The following HDX variants were observed in gnomAD, a reference collection of about 807,000 sequenced individuals.
HDX encodes chromosome X open reading frame 43.
Under a neutral mutation model 45.2 loss-of-function variants are expected in HDX, and 19 were observed. The observed-to-expected ratio is 0.42, with a 90% CI of 0.29 to 0.62. The LOEUF (loss-of-function observed/expected upper bound fraction) is 0.62, where lower values mean the gene tolerates loss of function less well. Ranked by LOEUF, HDX falls within the 20% of genes least tolerant of loss-of-function variation. HDX has a pLI of 0.20. For synonymous variants in HDX, 188 were observed against 172.8 expected, an observed-to-expected ratio of 1.09 and a Z score of -0.69; for missense variants, 532 against 493.9, an observed-to-expected ratio of 1.08 and a Z score of -0.73.
At chrX:84,406,519 T>TACACACACACAC (rs199742769) in intron 5 of HDX, among the ~76,000 whole-genome samples, 2 of 64,685 alleles carry the variant, frequency 3.1e-5, no homozygotes, top group Admixed American at 2.0e-4. Context: ...CACACACACA[T>TACACACACACAC]ACACACACAC....
chrX:84,442,734 C>G, intron 4 of HDX, among the ~76,000 whole-genome samples: 1 of 110,917 alleles, frequency 9.0e-6, no homozygotes, highest in Non-Finnish European at 1.9e-5. Flanking sequence ...AATATAGATA[C>G]CAAGTGTTTT....
At chrX:84,400,143 G>A (rs754178859) in intron 5 of HDX, among the ~76,000 whole-genome samples, 46 of 109,649 alleles carry the variant, frequency 4.2e-4, no homozygotes, top group Non-Finnish European at 6.3e-4. Context: ...TTTGAAAACC[G>A]GTACAGGACA....
chrX:84,397,962 G>A (rs763137316), intron 5 of HDX, among the ~76,000 whole-genome samples: 40 of 110,780 alleles, frequency 3.6e-4, no homozygotes, highest in African/African-American at 8.2e-4. Context: ...CCATAACAGC[G>A]TGAGAATCCT....
intron 6 of HDX, among the ~76,000 whole-genome samples, chrX:84,354,161 T>C (rs1223509827): frequency 3.6e-5 from 4 of 111,696 alleles, no homozygotes; most frequent in African/African-American, 1.3e-4. Flanking sequence ...TTCTTTACTT[T>C]CCTGAATAAT....
intron 4 of HDX, among the ~76,000 whole-genome samples, chrX:84,459,716 A>G (rs1269290857): frequency 1.8e-5 from 2 of 111,598 alleles, no homozygotes; most frequent in Non-Finnish European, 3.8e-5. Context: ...AGGAAATTGA[A>G]ATAAAAAATA....
rs936787085 is a variant in HDX, at chrX:84,344,416, C to A, written c.1494G>T (p.Gly498=). The A allele has an allele frequency of 3.3e-6, 4 of 1,204,771 alleles. No individual in the cohort carries two copies. Among genetic ancestry groups the A allele is most frequent in the Middle Eastern group, 2.3e-4 (1 of 4,329 alleles). ...GNRRRKYRLM[G]IEVPPPRGGP... ...CTCCTCTTGGAGGTGGAACTTCAAT[C>A]CCCATTAAACGATATTTCCTTCTTC... Residue 498 remains glycine, a synonymous_variant, in exon 7 of 11, where the codon GGG becomes GGT. Transcript: ENST00000373177.
intron 3 of HDX, among the ~76,000 whole-genome samples, chrX:84,470,998 T>G (rs1174591709): frequency 9.0e-6 from 1 of 111,496 alleles, no homozygotes; most frequent in Non-Finnish European, 1.9e-5. Context: ...CCACCAAATA[T>G]TTTCCTAAAA....
At chrX:84,494,845 C>T (rs2040966925) in intron 1 of HDX, among the ~76,000 whole-genome samples, 1 of 111,185 alleles carries the variant, frequency 9.0e-6, no homozygotes, top group African/African-American at 3.3e-5. Context: ...CAATATATAG[C>T]CAAAGGAAAT....
At chrX:84,423,347 C>T (rs937170397) in intron 5 of HDX, among the ~76,000 whole-genome samples, 1 of 110,305 alleles carries the variant, frequency 9.1e-6, no homozygotes, top group Non-Finnish European at 1.9e-5. Flanking sequence ...GGCTTCAACA[C>T]TGAATTGTAA....
intron 4 of HDX, among the ~76,000 whole-genome samples, chrX:84,444,100 G>T (rs1383158615): frequency 1.8e-5 from 2 of 111,035 alleles, no homozygotes; most frequent in Non-Finnish European, 3.8e-5. Flanking sequence ...CTTAAAAGAT[G>T]TGTAGAACTC....
intron 4 of HDX, among the ~76,000 whole-genome samples, chrX:84,456,929 A>T (rs2040124709): frequency 9.0e-6 from 1 of 111,506 alleles, no homozygotes; most frequent in African/African-American, 3.3e-5. Context: ...TAACATCTAG[A>T]GACTTTGACA....
chrX:84,334,530 T>C (rs1321053430), intron 8 of HDX, among the ~76,000 whole-genome samples: 6 of 109,055 alleles, frequency 5.5e-5, no homozygotes, highest in African/African-American at 2.0e-4. Context: ...CAATATCTTG[T>C]CCACAGTAGG....
chrX:84,381,886 A>T (rs2038197777), intron 5 of HDX, among the ~76,000 whole-genome samples: 1 of 111,158 alleles, frequency 9.0e-6, no homozygotes, highest in African/African-American at 3.3e-5. Context: ...CTTCTGCACG[A>T]CAAAGAAAAC....
At position 84,318,980 on chromosome X, in the gene HDX, G is replaced by T. The variant is rs771359130; in HGVS notation, c.*2909C>A. The T allele has an allele frequency of 1.4e-4, 15 of 110,613 alleles. No individual in the cohort carries two copies. Among genetic ancestry groups the T allele is most frequent in the Non-Finnish European group, 2.5e-4 (13 of 52,377 alleles). 9.1% of individuals were successfully genotyped at this position (110,613 alleles called of 1,213,427 possible). The stretch of plus-strand genomic sequence containing the variant: ...ATTTTCTTGTGAATAAGTTTAGCTT[G>T]GCTGAAAAGAAGAAAATACCTTCCT... On this transcript the variant is annotated 3_prime_UTR_variant, in exon 11 of 11. Transcript: ENST00000373177.
At chrX:84,432,444 G>A (rs562112958) in intron 5 of HDX, among the ~76,000 whole-genome samples, 2 of 111,671 alleles carry the variant, frequency 1.8e-5, no homozygotes, top group African/African-American at 3.2e-5. Flanking sequence ...TTGACAATAT[G>A]GATTCTTCCT....
chrX:84,362,584 C>CAGAG (rs1466389430), intron 5 of HDX, among the ~76,000 whole-genome samples: 1 of 108,513 alleles, frequency 9.2e-6, no homozygotes, highest in Admixed American at 1.0e-4. Flanking sequence ...ATGAGAGAGA[C>CAGAG]AGAGAGAGAG....
intron 5 of HDX, among the ~76,000 whole-genome samples, chrX:84,439,033 G>A (rs1454987046): frequency 9.0e-6 from 1 of 111,540 alleles, no homozygotes; most frequent in South Asian, 3.7e-4. Flanking sequence ...ATAGACTGAG[G>A]AGAATCAGTT....
In HDX at chrX:84,426,250, T is replaced by C. The variant is rs1159698424; in HGVS notation, c.1305+14282A>G. The stretch of plus-strand genomic sequence containing the variant: ...GGTACAGCTATTTTATGAACAACAG[T>C]ATGAAGACTCCTCAGAAAATTAAAA... On this transcript the variant is annotated intron_variant, in intron 5 of 10. Transcript: ENST00000373177. 2.7e-5 allele frequency among the ~76,000 whole-genome samples: 3 copies of C among 110,951 alleles called. No individual in the cohort carries two copies. In the East Asian group the frequency reaches 8.5e-4, roughly 31 times the overall value.
chrX:84,419,193 C>T (rs1444946959), intron 5 of HDX, among the ~76,000 whole-genome samples: 4 of 110,242 alleles, frequency 3.6e-5, no homozygotes, highest in Admixed American at 1.9e-4. Flanking sequence ...CTTCAGGTAC[C>T]AGCATGGCAA....
Sources: allele counts gnomAD v4.1 joint callset (sites outside exome capture counted in the v4.1 genomes callset), GRCh38; gene constraint gnomAD v4.1.1; transcripts MANE v1.5; gene names NCBI Gene and HGNC (gene_info 2026-07-23, HGNC 2026-07-21).